The following ALOX5 variants were observed in gnomAD, a reference collection of about 807,000 sequenced individuals.
ALOX5 encodes the protein arachidonate 5-lipoxygenase.
Under a neutral mutation model 87.9 loss-of-function variants are expected in ALOX5, and 64 were observed. The ratio of observed to expected loss-of-function variants is 0.73; its 90% confidence interval spans 0.60 to 0.90. The LOEUF (loss-of-function observed/expected upper bound fraction) is 0.90. Among genes scored for constraint, ALOX5 ranks in the 40% least tolerant of loss-of-function variants. The pLI is 0.00. For synonymous variants in ALOX5, 388 were observed against 355.1 expected, an observed-to-expected ratio of 1.09 and a Z score of -1.04; for missense variants, 822 against 907.5, an observed-to-expected ratio of 0.91 and a Z score of 1.21.
chr10:45,401,760 A>G (rs1475255377), intron 3 of ALOX5, among the ~76,000 whole-genome samples: 1 of 152,180 alleles, frequency 6.6e-6, no homozygotes, highest in Non-Finnish European at 1.5e-5. Flanking sequence ...TTTTCCTAGG[A>G]CAGATGCCCA....
intron 10 of ALOX5, 26 bp downstream of exon 10, chr10:45,443,242 T>TG: frequency 2.5e-6 from 4 of 1,605,834 alleles, no homozygotes; most frequent in Non-Finnish European, 3.4e-6. Context: ...GCGGTGGTCC[T>TG]GGGGGAGGAG....
intron 4 of ALOX5, among the ~76,000 whole-genome samples, chr10:45,419,686 A>G (rs1218510513): frequency 1.3e-5 from 2 of 152,246 alleles, no homozygotes; most frequent in Non-Finnish European, 2.9e-5. Context: ...TGGAAGCTGC[A>G]GTGATCTGCG....
intron 1 of ALOX5, 79 bp downstream of exon 1, chr10:45,374,508 G>T (rs1839512782): frequency 9.9e-6 from 13 of 1,310,994 alleles, no homozygotes; most frequent in Non-Finnish European, 1.3e-5. Flanking sequence ...GGCCTGGGCG[G>T]GGGCGCCGAG....
At chr10:45,445,462 C>A in intron 13 of ALOX5, 46 bp from the exon 14 acceptor site, 1 of 1,580,958 alleles carries the variant, frequency 6.3e-7, no homozygotes, top group Non-Finnish European at 8.6e-7. Context: ...TCAGTTTACA[C>A]GGGTAGTGGA....
intron 2 of ALOX5, among the ~76,000 whole-genome samples, chr10:45,383,901 G>A (rs547750247): frequency 6.6e-6 from 1 of 152,194 alleles, no homozygotes; most frequent in African/African-American, 2.4e-5. Flanking sequence ...CTCTTTTTCT[G>A]GTAGTTAGAA....
chr10:45,444,718 TAGAATGGCCGGAC>T, intron 13 of ALOX5: 1 of 170,610 alleles, frequency 5.9e-6, no homozygotes, highest in Non-Finnish European at 1.2e-5. Flanking sequence ...CAGTACTGCA[TAGAATGGCCGGAC>T]CAGTCCAACC....
intron 7 of ALOX5, among the ~76,000 whole-genome samples, chr10:45,429,481 C>G (rs1841842582): frequency 6.6e-6 from 1 of 152,188 alleles, no homozygotes; most frequent in South Asian, 2.1e-4. Flanking sequence ...CAGCCACATG[C>G]CAAGGCTATC....
intron 4 of ALOX5, among the ~76,000 whole-genome samples, chr10:45,421,132 C>T (rs1023330899): frequency 6.6e-6 from 1 of 152,242 alleles, no homozygotes; most frequent in Non-Finnish European, 1.5e-5. Context: ...TTTACAAAAG[C>T]GGGTCTTCGA....
chr10:45,402,447 G>T (rs1390828268), intron 3 of ALOX5, among the ~76,000 whole-genome samples: 1 of 152,160 alleles, frequency 6.6e-6, no homozygotes, highest in Non-Finnish European at 1.5e-5. Flanking sequence ...CTGGGCCACT[G>T]GACATGCATC....
At position 45,425,056 on chromosome 10, in the gene ALOX5, C is replaced by T. The variant is rs775222857; in HGVS notation, c.758C>T (p.Pro253Leu). The T allele has an allele frequency of 6.2e-7, 1 of 1,613,600 alleles. No homozygotes were observed. The highest frequency in any genetic ancestry group is 1.1e-5 in the South Asian group (1 of 91,046). The change falls in exon 6 of 14, where the codon CCC (proline) becomes CTC (leucine). Residue 253 changes from proline (P) to leucine (L), a missense_variant. By Grantham distance (98) the Pro-to-Leu change is moderately conservative (BLOSUM62 -3). Coordinates refer to ENST00000374391, the MANE Select transcript of ALOX5 (RefSeq NM_000698.5). This position sits in a 1 kb window ranked among gnomAD's most constrained non-coding sequence, Gnocchi z 4.4. Reference sequence around the variant, plus strand: ...TTGATCCGGCGCTGCACAGAGCTGCCCGAGAAGCTCCCGGTGACCACGGAG... The same window carrying T: ...TTGATCCGGCGCTGCACAGAGCTGCTCGAGAAGCTCCCGGTGACCACGGAG... The part of the protein sequence containing the change: ...PVLIRRCTEL[P>L]EKLPVTTEMV...
chr10:45,432,379 T>TAAAAG (rs1841934202), intron 7 of ALOX5, among the ~76,000 whole-genome samples: 1 of 135,688 alleles, frequency 7.4e-6, no homozygotes. Context: ...AAAAAAAAAG[T>TAAAAG]AAAAGAAAAC....
intron 2 of ALOX5, among the ~76,000 whole-genome samples, chr10:45,385,731 C>T (rs538237353): frequency 2.0e-5 from 3 of 152,304 alleles, no homozygotes; most frequent in African/African-American, 7.2e-5. Flanking sequence ...TCTGTGGCCT[C>T]AAGCCTCCCC....
intron 3 of ALOX5, among the ~76,000 whole-genome samples, chr10:45,409,519 CTCTCTCTCTCTCTCTG>C (rs1358838034): frequency 4.0e-5 from 6 of 151,042 alleles, no homozygotes; most frequent in African/African-American, 1.2e-4. Flanking sequence ...GTCTCTCTCT[CTCTCTCTCTCTCTCTG>C]TCTCTCTGTC....
intron 2 of ALOX5, among the ~76,000 whole-genome samples, chr10:45,385,580 T>A (rs1934807254): frequency 6.6e-6 from 1 of 152,192 alleles, no homozygotes; most frequent in Admixed American, 6.5e-5. Flanking sequence ...ACTGAAGAGA[T>A]CCAGCTCCTC....
Position 45,428,704 on chromosome 10 carries a change from C to A in ALOX5, c.921C>A (p.Ala307=), listed in dbSNP as rs763050647. The A allele has an allele frequency of 6.2e-6, 10 of 1,614,080 alleles. No individual in the cohort carries two copies. The highest frequency in any genetic ancestry group is 8.5e-6 in the Non-Finnish European group (10 of 1,180,022). Reference sequence around the variant, plus strand: ...ACCCCTGCACACTCCAGTTCCTGGCCGCTCCCATCTGCTTGCTGTATAAGA... The same window carrying A: ...ACCCCTGCACACTCCAGTTCCTGGCAGCTCCCATCTGCTTGCTGTATAAGA... ...KTDPCTLQFL[A]APICLLYKNL... The change falls in exon 7 of 14, where the codon GCC becomes GCA. Residue 307 remains alanine, a synonymous_variant. Coordinates refer to ENST00000374391, the MANE Select transcript of ALOX5 (RefSeq NM_000698.5).
At chr10:45,418,333 C>T (rs1441810420) in intron 4 of ALOX5, among the ~76,000 whole-genome samples, 1 of 152,148 alleles carries the variant, frequency 6.6e-6, no homozygotes, top group East Asian at 1.9e-4. Context: ...GTTCCCTGAG[C>T]CTCGGTGTCC....
intron 4 of ALOX5, among the ~76,000 whole-genome samples, chr10:45,422,680 G>A (rs558865251): frequency 6.6e-6 from 1 of 152,350 alleles, no homozygotes; most frequent in East Asian, 1.9e-4. Context: ...AAGAGCTACA[G>A]AGGAAATGAA....
At chr10:45,403,913 C>T (rs186729292) in intron 3 of ALOX5, among the ~76,000 whole-genome samples, 1 of 152,294 alleles carries the variant, frequency 6.6e-6, no homozygotes, top group Admixed American at 6.5e-5. Flanking sequence ...GGCAAAGCCC[C>T]TGCAGCCAGT....
At chr10:45,393,141 A>G (rs371189224) in intron 2 of ALOX5, among the ~76,000 whole-genome samples, 1 of 152,206 alleles carries the variant, frequency 6.6e-6, no homozygotes, top group African/African-American at 2.4e-5. Context: ...CCTGGCAGAT[A>G]CACACACAAA....
Sources: gnomAD v4.1 joint callset for allele counts (sites outside exome capture counted in the v4.1 genomes callset) on GRCh38, gnomAD v4.1.1 for gene constraint, Gnocchi (gnomAD v3.1) non-coding constraint, MANE v1.5 for transcripts, NCBI Gene and HGNC (gene_info 2026-07-23, HGNC 2026-07-21) for gene names.